Variants in IL13RA1 observed in about 807,000 individuals in gnomAD.
The protein encoded by IL13RA1 is interleukin 13 receptor subunit alpha 1.
IL13RA1 carries 14 observed loss-of-function variants against 33.8 expected under a neutral mutation model. That is an observed-to-expected ratio of 0.41 (90% CI 0.27 to 0.65). The LOEUF (loss-of-function observed/expected upper bound fraction) is 0.65, where lower values mean the gene tolerates loss of function less well. Among genes scored for constraint, IL13RA1 ranks in the 30% least tolerant of loss-of-function variants. The pLI, the probability that IL13RA1 is intolerant of heterozygous loss-of-function variation, is 0.28. For synonymous variants in IL13RA1, 116 were observed against 115.7 expected (o/e 1.00, Z -0.02); for missense variants, 313 against 327.0 (o/e 0.96, Z 0.33).
At chrX:118,799,622 G>A in the IL13RA1 span, among the ~76,000 whole-genome samples, 129 of 109,459 alleles carry the variant, frequency 1.2e-3, 2 homozygotes, top group African/African-American at 4.1e-3. Context: ...TGTAGCTCAA[G>A]GTTTGTGAGT....
In IL13RA1 at chrX:118,761,210, C is replaced by A; in HGVS notation, c.749C>A (p.Pro250Gln). Reference sequence around the variant, plus strand: ...GACCTATATGTGCAATGGGAGAATCCACAGAATTTTATTAGCAGATGCCTA... The same window carrying A: ...GACCTATATGTGCAATGGGAGAATCAACAGAATTTTATTAGCAGATGCCTA... ...NDDLYVQWEN[P>Q]QNFISRCLFY... Residue 250 changes from proline to glutamine, a missense_variant, in exon 6 of 11, where the codon CCA becomes CAA. By Grantham distance (76) the Pro-to-Gln change is moderately conservative. Coordinates refer to ENST00000371666, the MANE Select transcript of IL13RA1 (RefSeq NM_001560.3). The A allele has an allele frequency of 1.0e-6, 1 of 991,641 alleles. No individual in the cohort carries two copies. Among genetic ancestry groups the A allele is most frequent in the Non-Finnish European group, 1.4e-6 (1 of 701,859 alleles). 81.7% of individuals were successfully genotyped at this position (991,641 alleles called of 1,213,427 possible).
intron 1 of IL13RA1, among the ~76,000 whole-genome samples, chrX:118,737,355 T>C (rs954022638): frequency 1.8e-5 from 2 of 112,468 alleles, no homozygotes; most frequent in African/African-American, 6.5e-5. Flanking sequence ...AAGCCTTCAA[T>C]GTAAGTGTTT....
At chrX:118,754,937 CTT>C (rs66888164) in intron 4 of IL13RA1, among the ~76,000 whole-genome samples, 1 of 92,717 alleles carries the variant, frequency 1.1e-5, no homozygotes, top group African/African-American at 4.1e-5. Flanking sequence ...CGGAGTCTTT[CTT>C]TTTTTTTTTT....
At chrX:118,799,477 C>T (rs1279340292), downstream of IL13RA1, among the ~76,000 whole-genome samples, 1 of 112,570 alleles carries the variant, frequency 8.9e-6, no homozygotes, top group Non-Finnish European at 1.9e-5. Context: ...GTAAATACAC[C>T]AATCAGCACC....
chrX:118,766,089 T>G (rs1399411850), intron 6 of IL13RA1, among the ~76,000 whole-genome samples: 1 of 112,293 alleles, frequency 8.9e-6, no homozygotes, highest in African/African-American at 3.2e-5. Flanking sequence ...AGGTGTCATT[T>G]GATCAACAAA....
At chrX:118,745,756 T>G (rs1367663099) in intron 2 of IL13RA1, among the ~76,000 whole-genome samples, 1 of 111,974 alleles carries the variant, frequency 8.9e-6, no homozygotes, top group Non-Finnish European at 1.9e-5. Flanking sequence ...CAGAAGCTAT[T>G]GCAAAACAGG....
chrX:118,775,427 A>G (rs2017771212), intron 9 of IL13RA1, among the ~76,000 whole-genome samples: 1 of 111,504 alleles, frequency 9.0e-6, no homozygotes, highest in Admixed American at 9.6e-5. Flanking sequence ...GGTCTGAGTT[A>G]CTGTCATAAA....
chrX:118,770,305 G>A (rs965462145), intron 8 of IL13RA1: 28 of 348,602 alleles, frequency 8.0e-5, no homozygotes, highest in Non-Finnish European at 1.3e-4. Flanking sequence ...CCTCGCTGTG[G>A]CACCAGTGCT....
chrX:118,800,825 C>T, the IL13RA1 span, among the ~76,000 whole-genome samples: 1 of 111,677 alleles, frequency 9.0e-6, no homozygotes, highest in African/African-American at 3.3e-5. Flanking sequence ...TCACTTTTAT[C>T]ATGCAGGCTG....
intron 8 of IL13RA1, among the ~76,000 whole-genome samples, chrX:118,772,285 G>C (rs1017488440): frequency 5.3e-5 from 6 of 112,775 alleles, no homozygotes; most frequent in African/African-American, 1.9e-4. Flanking sequence ...GTGCGCACAC[G>C]TGCGTACTTA....
the IL13RA1 span, among the ~76,000 whole-genome samples, chrX:118,803,910 CTTCCTTCCTTCCT>C: frequency 1.1e-5 from 1 of 90,874 alleles, no homozygotes; most frequent in Non-Finnish European, 2.2e-5. Flanking sequence ...TCCTTCCTTC[CTTCCTTCCTTCCT>C]CTCTCTCTTT....
the IL13RA1 span, among the ~76,000 whole-genome samples, chrX:118,801,345 G>A: frequency 8.9e-6 from 1 of 111,756 alleles, no homozygotes; most frequent in African/African-American, 3.3e-5. Context: ...ATGCCTTATT[G>A]TGGATCTTCT....
chrX:118,781,911 T>G (rs1017438884), intron 10 of IL13RA1, among the ~76,000 whole-genome samples: 1 of 111,641 alleles, frequency 9.0e-6, no homozygotes, highest in African/African-American at 3.3e-5. Context: ...ATTTCCCCAT[T>G]GCTTCAACAC....
intron 6 of IL13RA1, among the ~76,000 whole-genome samples, chrX:118,762,962 G>A (rs1603215978): frequency 8.9e-6 from 1 of 111,883 alleles, no homozygotes; most frequent in Middle Eastern, 4.6e-3. Context: ...ACTTATAAGT[G>A]GGAGCTGGAC....
intron 3 of IL13RA1, among the ~76,000 whole-genome samples, chrX:118,749,259 CAG>C (rs1372195757): frequency 3.6e-5 from 4 of 112,150 alleles, no homozygotes; most frequent in Non-Finnish European, 7.5e-5. Flanking sequence ...GATCAAAAGA[CAG>C]AAAGTTAAAT....
At chrX:118,799,523 G>C (rs187655043), downstream of IL13RA1, among the ~76,000 whole-genome samples, 11 of 111,305 alleles carry the variant, frequency 9.9e-5, no homozygotes, top group South Asian at 3.8e-3. Flanking sequence ...TGCACCAATC[G>C]ACACTCTGTA....
intron 1 of IL13RA1, among the ~76,000 whole-genome samples, chrX:118,737,562 A>AGGATAGC (rs1484783019): frequency 8.9e-6 from 1 of 111,952 alleles, no homozygotes; most frequent in African/African-American, 3.3e-5. Flanking sequence ...GAAAAAGAAA[A>AGGATAGC]GGATAGCAGA....
At position 118,727,633 on chromosome X, in the gene IL13RA1, G is replaced by A. The variant is rs1286203876; in HGVS notation, c.-6G>A. The A allele has an allele frequency of 4.7e-5, 43 of 923,451 alleles. No homozygotes were observed. Among genetic ancestry groups the A allele is most frequent in the Non-Finnish European group, 5.8e-5 (43 of 742,617 alleles). 76.1% of individuals were successfully genotyped at this position (923,451 alleles called of 1,213,427 possible). On this transcript the variant is annotated 5_prime_UTR_variant, in exon 1 of 11. Transcript: ENST00000371666. The stretch of plus-strand genomic sequence containing the variant: ...AGCCCGGCCGGGCTCCGAGGCGAGA[G>A]GCTGCATGGAGTGGCCGGCGCGGCT...
chrX:118,728,530 A>G (rs866216763), intron 1 of IL13RA1, among the ~76,000 whole-genome samples: 1 of 112,166 alleles, frequency 8.9e-6, no homozygotes, highest in Non-Finnish European at 1.9e-5. Context: ...GGAGTTAATG[A>G]CTTCCTTAGG....
Sources: allele counts gnomAD v4.1 joint callset (sites outside exome capture counted in the v4.1 genomes callset), GRCh38; gene constraint gnomAD v4.1.1; transcripts MANE v1.5; gene names NCBI Gene and HGNC (gene_info 2026-07-23, HGNC 2026-07-21).